Variants in AEBP2 observed in about 807,000 individuals in gnomAD.
The protein encoded by AEBP2 is zinc finger protein AEBP2.
Under a neutral mutation model 50.8 loss-of-function variants are expected in AEBP2, and 10 were observed. The observed-to-expected ratio is 0.20, with a 90% CI of 0.12 to 0.33. AEBP2 has a LOEUF of 0.33. AEBP2 is among the 10% of genes least tolerant of loss of function. AEBP2 has a pLI of 1.00. For synonymous variants in AEBP2, 296 were observed against 261.3 expected, an observed-to-expected ratio of 1.13 and a Z score of -1.28; for missense variants, 570 against 688.0, an observed-to-expected ratio of 0.83 and a Z score of 1.92.
chr12:19,476,589 G>A (rs1351247458), intron 3 of AEBP2, among the ~76,000 whole-genome samples: 3 of 152,130 alleles, frequency 2.0e-5, no homozygotes, highest in East Asian at 1.9e-4. Context: ...TGATCCGCCC[G>A]CCTTAGCCTC....
intron 1 of AEBP2, among the ~76,000 whole-genome samples, chr12:19,413,705 C>T (rs192465076): frequency 6.6e-6 from 1 of 152,182 alleles, no homozygotes; most frequent in Non-Finnish European, 1.5e-5. Context: ...TTATTCATGC[C>T]TCCCCTTTTT....
At chr12:19,499,607 CTG>C (rs976060078) in intron 4 of AEBP2, among the ~76,000 whole-genome samples, 2 of 133,802 alleles carry the variant, frequency 1.5e-5, no homozygotes, top group African/African-American at 3.2e-5. Flanking sequence ...GAGTGAGACT[CTG>C]TCTCTTAAAA....
chr12:19,483,126 C>T (rs899798079), intron 3 of AEBP2, among the ~76,000 whole-genome samples: 3 of 152,158 alleles, frequency 2.0e-5, no homozygotes, highest in African/African-American at 7.2e-5. Flanking sequence ...GTTACTATCT[C>T]ATTTAGAAGC....
intron 3 of AEBP2, among the ~76,000 whole-genome samples, chr12:19,491,214 A>C (rs566615664): frequency 1.3e-5 from 2 of 152,274 alleles, no homozygotes; most frequent in East Asian, 1.9e-4. Flanking sequence ...TAAAATTTTA[A>C]ATTTTAAATA....
Position 19,433,220 on chromosome 12 carries a change from T to C in AEBP2, c.-17+29004T>C, listed in dbSNP as rs573728735. Among the ~76,000 whole-genome samples the C allele has an allele frequency of 1.3e-4, 20 of 152,080 alleles. 1 individual carries two copies. In the South Asian group the frequency reaches 4.2e-3, roughly 32 times the overall value. On this transcript the variant is annotated intron_variant, in intron 1 of 3. Coordinates refer to the AEBP2 transcript ENST00000538425. Reference sequence around the variant, plus strand: ...GGCCAACATGGTGAAACTTTGTCTCTACTAAAAATACAAACAAATGAGTCA... The same window carrying C: ...GGCCAACATGGTGAAACTTTGTCTCCACTAAAAATACAAACAAATGAGTCA...
At chr12:19,497,600 G>A (rs560632691) in intron 4 of AEBP2, among the ~76,000 whole-genome samples, 16 of 152,166 alleles carry the variant, frequency 1.1e-4, no homozygotes, top group Admixed American at 3.9e-4. Context: ...AGCTTCTTGA[G>A]TAGCTGGGAC....
At chr12:19,409,592 G>T (rs753506404) in intron 1 of AEBP2, among the ~76,000 whole-genome samples, 6 of 152,158 alleles carry the variant, frequency 3.9e-5, no homozygotes, top group African/African-American at 9.7e-5. Context: ...TTCACCAGCC[G>T]TGGGGGGAAA....
chr12:19,465,209 A>G (rs1453361037), intron 2 of AEBP2, among the ~76,000 whole-genome samples: 1 of 151,840 alleles, frequency 6.6e-6, no homozygotes, highest in Non-Finnish European at 1.5e-5. Flanking sequence ...CCTGGCCAAT[A>G]TGGTGAAACC....
intron 2 of AEBP2, among the ~76,000 whole-genome samples, chr12:19,469,140 G>T (rs1049491440): frequency 1.3e-5 from 2 of 152,072 alleles, no homozygotes; most frequent in Non-Finnish European, 2.9e-5. Flanking sequence ...TGGCCAGGCT[G>T]GTCTTGAACT....
At chr12:19,413,375 A>AC in intron 1 of AEBP2, 1 of 1,045,948 alleles carries the variant, frequency 9.6e-7, no homozygotes. Context: ...ATCCTTTAAA[A>AC]AGTAAGCCAA....
At chr12:19,439,085 G>C (rs1229771102), upstream of AEBP2, among the ~76,000 whole-genome samples, 1 of 152,170 alleles carries the variant, frequency 6.6e-6, no homozygotes, top group African/African-American at 2.4e-5. Context: ...ATTAAAACCT[G>C]TCGCCCTGTG....
intron 1 of AEBP2, chr12:19,413,167 A>G (rs878907422): frequency 1.3e-6 from 1 of 747,870 alleles, no homozygotes. Flanking sequence ...CTGGCGATGC[A>G]GCCCAACAGG....
At chr12:19,408,948 A>G (rs974623164) in intron 1 of AEBP2, among the ~76,000 whole-genome samples, 1 of 152,040 alleles carries the variant, frequency 6.6e-6, no homozygotes, top group Non-Finnish European at 1.5e-5. Flanking sequence ...AAATAAAGCA[A>G]AACAGCAAAA....
chr12:19,468,429 A>G (rs1361845564), intron 2 of AEBP2, among the ~76,000 whole-genome samples: 1 of 152,156 alleles, frequency 6.6e-6, no homozygotes, highest in Non-Finnish European at 1.5e-5. Context: ...TGCATTTAGA[A>G]TATATTTGGC....
intron 1 of AEBP2, among the ~76,000 whole-genome samples, chr12:19,430,773 C>T (rs1427077784): frequency 6.6e-6 from 1 of 151,624 alleles, no homozygotes; most frequent in Non-Finnish European, 1.5e-5. Flanking sequence ...ATTTGGCTCT[C>T]TGTCTGTGTG....
rs1314978866 is a variant in AEBP2 at position 19,439,561 on chromosome 12, A to G, written c.-139A>G. ...GGCTCCGTAGCGCGTGTGCAGGCTG[A>G]CGCAGCTCGCGGGCCCTCCTCCTGC... On this transcript the variant is annotated 5_prime_UTR_variant, in exon 1 of 8. Coordinates refer to ENST00000266508, the MANE Select transcript of AEBP2 (RefSeq NM_153207.5). 7 of 1,156,522 alleles carry G rather than the reference A, an allele frequency of 6.1e-6. No individual in the cohort carries two copies. The highest frequency in any genetic ancestry group is 5.9e-5 in the East Asian group (2 of 33,914). 71.6% of individuals were successfully genotyped at this position (1,156,522 alleles called of 1,614,324 possible).
rs1391309181 is a variant in AEBP2 at position 19,439,715 on chromosome 12, A to G, written c.16A>G (p.Thr6Ala). Residue 6 changes from threonine to alanine, a missense_variant, in exon 1 of 8, where the codon ACC becomes GCC. Transcript: ENST00000266508. MAAAI[T>A]DMADLEELSR... Reference sequence around the variant, plus strand: ...AGGCGCCGCCATGGCCGCCGCTATCACCGACATGGCCGACCTGGAGGAGCT... The same window carrying G: ...AGGCGCCGCCATGGCCGCCGCTATCGCCGACATGGCCGACCTGGAGGAGCT... 1 of 1,515,304 alleles carries G rather than the reference A, an allele frequency of 6.6e-7. No homozygotes were observed. The highest frequency in any genetic ancestry group is 1.2e-5 in the South Asian group (1 of 83,236). 93.9% of individuals were successfully genotyped at this position (1,515,304 alleles called of 1,614,324 possible). A position where few individuals can be genotyped will look rare whatever the true frequency, so the allele number is the denominator to read the frequency against.
At chr12:19,421,239 G>A (rs2095745588) in intron 1 of AEBP2, among the ~76,000 whole-genome samples, 1 of 149,192 alleles carries the variant, frequency 6.7e-6, no homozygotes, top group Non-Finnish European at 1.5e-5. Flanking sequence ...TGCTACTCAG[G>A]ATGCTGAGCC....
intron 3 of AEBP2, among the ~76,000 whole-genome samples, chr12:19,479,623 T>A (rs1319268880): frequency 6.6e-6 from 1 of 151,948 alleles, no homozygotes; most frequent in Non-Finnish European, 1.5e-5. Flanking sequence ...ATTTTATAAA[T>A]TTGGGAGCTC....
Sources: gnomAD v4.1 joint callset for allele counts (sites outside exome capture counted in the v4.1 genomes callset) on GRCh38, gnomAD v4.1.1 for gene constraint, MANE v1.5 for transcripts, NCBI Gene and HGNC (gene_info 2026-07-23, HGNC 2026-07-21) for gene names.